The following UPRT variants were observed in gnomAD, a reference collection of about 807,000 sequenced individuals.
The protein encoded by UPRT is uracil phosphoribosyltransferase homolog.
In UPRT, 5 loss-of-function variants were observed where a neutral mutation model predicts 22.6. The ratio of observed to expected loss-of-function variants is 0.22; its 90% confidence interval spans 0.12 to 0.47. The LOEUF (loss-of-function observed/expected upper bound fraction) is 0.47, where lower values mean the gene tolerates loss of function less well. Ranked by LOEUF, UPRT falls within the 20% of genes least tolerant of loss-of-function variation. The pLI, the probability that UPRT is intolerant of heterozygous loss-of-function variation, is 0.99. For missense variants in UPRT, 181 were observed against 239.9 expected, an observed-to-expected ratio of 0.75 and a Z score of 1.62; for synonymous variants, 77 against 87.7, an observed-to-expected ratio of 0.88 and a Z score of 0.68.
At chrX:75,252,399 C>A (rs1421922668) in intron 4 of UPRT, among the ~76,000 whole-genome samples, 1 of 111,953 alleles carries the variant, frequency 8.9e-6, no homozygotes, top group Non-Finnish European at 1.9e-5. Flanking sequence ...ACAGACACTT[C>A]TCAAAAGAAG....
intron 4 of UPRT, among the ~76,000 whole-genome samples, chrX:75,217,971 G>T (rs2082398232): frequency 9.0e-6 from 1 of 111,465 alleles, no homozygotes; most frequent in Non-Finnish European, 1.9e-5. Flanking sequence ...CAGGACATAG[G>T]CATGGGCAAG....
chrX:75,249,480 T>C (rs2082520283), intron 4 of UPRT, among the ~76,000 whole-genome samples: 1 of 111,523 alleles, frequency 9.0e-6, no homozygotes. Context: ...TACATAATGG[T>C]AAAATGATCA....
intron 3 of UPRT, among the ~76,000 whole-genome samples, chrX:75,166,236 TC>T (rs2147601425): frequency 8.9e-6 from 1 of 112,084 alleles, no homozygotes; most frequent in South Asian, 3.7e-4. Flanking sequence ...ACCCTGTTTT[TC>T]AACCCTCTTT....
chrX:75,188,989 C>T (rs751481264), intron 4 of UPRT, among the ~76,000 whole-genome samples: 4 of 112,164 alleles, frequency 3.6e-5, no homozygotes, highest in African/African-American at 9.7e-5. Flanking sequence ...GCATCGCGCA[C>T]GCTGGGAGCT....
At chrX:75,255,812 C>T (rs965600740) in intron 4 of UPRT, among the ~76,000 whole-genome samples, 2 of 111,787 alleles carry the variant, frequency 1.8e-5, no homozygotes, top group African/African-American at 6.5e-5. Context: ...AGGAAAGTAT[C>T]ACAATCCTAA....
intron 2 of UPRT, chrX:75,294,734 A>G: frequency 2.5e-6 from 1 of 399,952 alleles, no homozygotes; most frequent in Non-Finnish European, 3.4e-6. Flanking sequence ...CTGGAGCAAT[A>G]GTTACGTCAT....
chrX:75,194,687 G>A (rs1283451618), intron 4 of UPRT, among the ~76,000 whole-genome samples: 2 of 111,220 alleles, frequency 1.8e-5, no homozygotes, highest in African/African-American at 6.6e-5. Context: ...TTACACGGGT[G>A]ATGGTGCCTG....
At chrX:75,187,592 C>T (rs776952431) in intron 4 of UPRT, among the ~76,000 whole-genome samples, 1 of 112,040 alleles carries the variant, frequency 8.9e-6, no homozygotes, top group East Asian at 2.8e-4. Context: ...TGGGGAAGTT[C>T]TCCCGAATAA....
chrX:75,185,065 G>C (rs772587333), intron 4 of UPRT, among the ~76,000 whole-genome samples: 8 of 111,588 alleles, frequency 7.2e-5, no homozygotes, highest in Middle Eastern at 4.6e-3. Flanking sequence ...ATATTGAATA[G>C]GAGTGGTGAG....
At chrX:75,257,141 C>A (rs1331209113) in intron 4 of UPRT, among the ~76,000 whole-genome samples, 1 of 111,935 alleles carries the variant, frequency 8.9e-6, no homozygotes, top group Non-Finnish European at 1.9e-5. Context: ...CTAACCAAAT[C>A]CAAAAACATA....
intron 1 of UPRT, among the ~76,000 whole-genome samples, chrX:75,278,578 A>AATAT (rs1215993739): frequency 6.3e-5 from 7 of 111,987 alleles, no homozygotes; most frequent in Admixed American, 9.5e-5. Flanking sequence ...TTTTCCTGTG[A>AATAT]ATATAGTTCA....
chrX:75,250,895 G>C (rs1348485489), intron 4 of UPRT, among the ~76,000 whole-genome samples: 1 of 111,993 alleles, frequency 8.9e-6, no homozygotes, highest in Non-Finnish European at 1.9e-5. Context: ...TGGGATGCAA[G>C]ACTAGTTCAA....
chrX:75,194,083 G>C (rs1026991877), intron 4 of UPRT, among the ~76,000 whole-genome samples: 1 of 111,715 alleles, frequency 9.0e-6, no homozygotes, highest in African/African-American at 3.3e-5. Context: ...CACCTTTGTG[G>C]GCTAATGTTT....
At chrX:75,196,348 A>C (rs1232444216) in intron 4 of UPRT, among the ~76,000 whole-genome samples, 1 of 111,646 alleles carries the variant, frequency 9.0e-6, no homozygotes, top group African/African-American at 3.3e-5. Context: ...TTTTTAATAC[A>C]TGTTTTGATA....
intron 4 of UPRT, among the ~76,000 whole-genome samples, chrX:75,244,795 C>T (rs752061629): frequency 9.0e-6 from 1 of 110,906 alleles, no homozygotes; most frequent in Non-Finnish European, 1.9e-5. Flanking sequence ...AAGACTTAAA[C>T]GTAAAACCTA....
At chrX:75,296,460 A>G in intron 3 of UPRT, 49 bp downstream of exon 3, 1 of 1,082,518 alleles carries the variant, frequency 9.2e-7, no homozygotes. Flanking sequence ...ATTCTGAGCT[A>G]GAATGGGGAA....
chrX:75,166,040 G>A lies in UPRT; in HGVS notation c.-520-1766G>A, dbSNP rs138831137. On this transcript the variant is annotated intron_variant, in intron 3 of 13. Coordinates refer to the UPRT transcript ENST00000652605. Reference sequence around the variant, plus strand: ...ATTAACCTAGCACATAATCAGCAACGATATTTTAAGTTTAGGATTTAAATA... The same window carrying A: ...ATTAACCTAGCACATAATCAGCAACAATATTTTAAGTTTAGGATTTAAATA... 4.4e-3 allele frequency among the ~76,000 whole-genome samples: 488 copies of A among 112,015 alleles called. 2 individuals are homozygous for A. The highest frequency in any genetic ancestry group is 0.015 in the African/African-American group (470 of 30,851).
At chrX:75,274,775 G>GGTGTGTGTGTGTGTGT (rs201034223) in intron 1 of UPRT, 135 bp downstream of exon 1, 52 of 361,684 alleles carry the variant, frequency 1.4e-4, no homozygotes, top group African/African-American at 1.4e-3. Flanking sequence ...CCTTTTATTT[G>GGTGTGTGTGTGTGTGT]GTGTGTGTGT....
At chrX:75,283,315 T>C (rs1023189204) in intron 1 of UPRT, among the ~76,000 whole-genome samples, 4 of 111,900 alleles carry the variant, frequency 3.6e-5, no homozygotes, top group African/African-American at 1.3e-4. Context: ...GCATTGATTG[T>C]GCTCTTTGTT....
Sources: gnomAD v4.1 joint callset for allele counts (sites outside exome capture counted in the v4.1 genomes callset) on GRCh38, gnomAD v4.1.1 for gene constraint, MANE v1.5 for transcripts, NCBI Gene and HGNC (gene_info 2026-07-23, HGNC 2026-07-21) for gene names.